HMCN1: variants seen among roughly 807,000 people sequenced by gnomAD.
The protein encoded by HMCN1 is hemicentin-1.
In HMCN1, 321 loss-of-function variants were observed where a neutral mutation model predicts 625.9. The observed-to-expected ratio is 0.51, with a 90% confidence interval of 0.47 to 0.56. HMCN1 has a LOEUF of 0.56. Among genes scored for constraint, HMCN1 ranks in the 20% least tolerant of loss-of-function variants. The pLI is 0.00. For synonymous variants in HMCN1, 2,425 were observed against 2,417.6 expected, an observed-to-expected ratio of 1.00 and a Z score of -0.09; for missense variants, 6,588 against 6,887.3, an observed-to-expected ratio of 0.96 and a Z score of 1.54.
At chr1:185,802,719 G>T (rs777373201) in intron 1 of HMCN1, among the ~76,000 whole-genome samples, 2 of 152,288 alleles carry the variant, frequency 1.3e-5, no homozygotes, top group Non-Finnish European at 2.9e-5. Flanking sequence ...TAATTGACTT[G>T]ACTCAGGATT....
rs752419347 is a variant in HMCN1, at chr1:186,088,264, C to A, written c.9565C>A (p.His3189Asn). The change falls in exon 62 of 107, where the codon CAC becomes AAC. Residue 3189 changes from histidine (H) to asparagine (N), a missense_variant. By Grantham distance (68) the His-to-Asn change is moderately conservative. This residue lies in a region of HMCN1 where 4,628 missense variants were observed against 4,853.1 expected (regional missense o/e 0.95). Coordinates refer to ENST00000271588, the MANE Select transcript of HMCN1 (RefSeq NM_031935.3). ...TCCCACGATAGCATGGTTAAAGAAC[C>A]ACAAGCGCATAGGTAAGGCAACCAT... ...PPPTIAWLKN[H>N]KRIENSDSLE... The A allele has an allele frequency of 3.7e-6, 6 of 1,612,702 alleles. No individual in the cohort carries two copies. In the South Asian group the frequency reaches 5.5e-5, roughly 15 times the overall value.
chr1:185,756,285 G>A (rs950177021), intron 1 of HMCN1, among the ~76,000 whole-genome samples: 9 of 152,034 alleles, frequency 5.9e-5, no homozygotes, highest in Admixed American at 2.6e-4. Context: ...CAAACTGAGT[G>A]ATGTCAGTTT....
chr1:185,841,223 T>C (rs1405701430), intron 1 of HMCN1, among the ~76,000 whole-genome samples: 1 of 151,854 alleles, frequency 6.6e-6, no homozygotes, highest in Non-Finnish European at 1.5e-5. Flanking sequence ...GAGAAAAGAG[T>C]TCCTTAGAGT....
intron 102 of HMCN1, among the ~76,000 whole-genome samples, chr1:186,173,337 GA>G (rs1274095469): frequency 3.9e-5 from 6 of 152,104 alleles, no homozygotes; most frequent in Non-Finnish European, 2.9e-5. Context: ...GATGGGAGTT[GA>G]AGTATCAGAT....
At chr1:185,738,489 A>G (rs1220340991) in intron 1 of HMCN1, among the ~76,000 whole-genome samples, 1 of 152,196 alleles carries the variant, frequency 6.6e-6, no homozygotes, top group Non-Finnish European at 1.5e-5. Flanking sequence ...ATGTATTAGT[A>G]CTTCATTCCT....
intron 4 of HMCN1, among the ~76,000 whole-genome samples, chr1:185,901,730 G>T (rs1284273777): frequency 6.6e-6 from 1 of 151,582 alleles, no homozygotes; most frequent in Non-Finnish European, 1.5e-5. Flanking sequence ...AGCCTTTTGG[G>T]TTCAATACAT....
intron 30 of HMCN1, 83 bp from the exon 31 acceptor site, chr1:186,015,076 T>C (rs1654270391): frequency 8.2e-7 from 1 of 1,222,122 alleles, no homozygotes; most frequent in African/African-American, 1.5e-5. Context: ...TTAAATGCAT[T>C]GTTTAAACAT....
At chr1:186,034,718 A>G (rs1655707953) in intron 36 of HMCN1, among the ~76,000 whole-genome samples, 1 of 152,314 alleles carries the variant, frequency 6.6e-6, no homozygotes, top group South Asian at 2.1e-4. Flanking sequence ...AAATGCCTCA[A>G]AACTCACTGT....
intron 46 of HMCN1, among the ~76,000 whole-genome samples, chr1:186,059,425 G>A (rs1657545235): frequency 6.6e-6 from 1 of 152,014 alleles, no homozygotes; most frequent in African/African-American, 2.4e-5. Context: ...CTAAAGTGAT[G>A]TGCTCTAGCT....
intron 64 of HMCN1, among the ~76,000 whole-genome samples, chr1:186,092,671 A>C (rs973001308): frequency 6.6e-6 from 1 of 152,022 alleles, no homozygotes; most frequent in African/African-American, 2.4e-5. Context: ...AAGTTTGCAA[A>C]ATATAGCCAC....
In HMCN1 at chr1:186,093,187, C is replaced by T. The variant is rs367681878; in HGVS notation, c.9941C>T (p.Thr3314Met). Residue 3314 changes from threonine to methionine, a missense_variant, in exon 65 of 107, where the codon ACG (threonine) becomes ATG (methionine). Physicochemically the swap from Thr to Met is moderately conservative, Grantham distance 81 (BLOSUM62 -1). This residue lies in a region of HMCN1 where 4,628 missense variants were observed against 4,853.1 expected (regional missense o/e 0.95). Transcript: ENST00000271588. ...LNIYGALTSD[T>M]GKYTCVATNP... ...ATTTATGGAGCTCTTACATCTGACA[C>T]GGGGAAATACACATGTGTTGCTACT... is the stretch of plus-strand genomic sequence containing the variant. 36 of 1,613,114 alleles carry T rather than the reference C, an allele frequency of 2.2e-5. No homozygotes were observed. The highest frequency in any genetic ancestry group is 2.6e-5 in the Non-Finnish European group (31 of 1,179,496).
intron 4 of HMCN1, among the ~76,000 whole-genome samples, chr1:185,904,490 G>A (rs1427933305): frequency 1.3e-5 from 2 of 151,664 alleles, no homozygotes; most frequent in Non-Finnish European, 2.9e-5. Context: ...TATTCATTAT[G>A]TTTGGCATGC....
At chr1:185,939,637 T>C (rs1667987582) in intron 11 of HMCN1, among the ~76,000 whole-genome samples, 2 of 152,220 alleles carry the variant, frequency 1.3e-5, no homozygotes, top group Non-Finnish European at 2.9e-5. Flanking sequence ...TTTTAAACTT[T>C]GTGTAAATAG....
intron 8 of HMCN1, 96 bp from the exon 9 acceptor site, chr1:185,924,951 A>C: frequency 1.9e-6 from 2 of 1,041,930 alleles, no homozygotes; most frequent in Non-Finnish European, 2.9e-6. Flanking sequence ...GAATAATTTA[A>C]GTATAAAGAT....
rs1486181519 is a variant in HMCN1 at position 186,119,974 on chromosome 1, T to C, written c.12095-37T>C. 1.4e-5 allele frequency: 22 copies of C among 1,613,884 alleles called. 1 individual carries two copies. The South Asian group carries it at 2.3e-4, about 17-fold the overall frequency. ...TGATTGTTTTTAATGAACAGGCTTT[T>C]TTTTTTCCCCACTCTGCTTTTGTAA... On this transcript the variant is annotated intron_variant, in intron 79 of 106. Coordinates refer to ENST00000271588, the MANE Select transcript of HMCN1 (RefSeq NM_031935.3).
At chr1:186,130,884 A>G (rs1661900606) in intron 85 of HMCN1, among the ~76,000 whole-genome samples, 187 bp downstream of exon 85, 1 of 152,214 alleles carries the variant, frequency 6.6e-6, no homozygotes, top group Admixed American at 6.6e-5. Flanking sequence ...AAATAAGTGC[A>G]GTGAGATAAT....
Position 186,053,070 on chromosome 1 carries a change from G to C in HMCN1, c.6696G>C (p.Lys2232Asn). ...CACCCCCAAATCTCATCTGGAAGAA[G>C]AAAGGTCAGTTTTCATCCTTGAAAT... The part of the protein sequence containing the change: ...GIPPPNLIWK[K>N]KGSPVLTDSM... The change falls in exon 43 of 107, where the codon AAG becomes AAC. Residue 2232 changes from lysine to asparagine, a missense_variant. Coordinates refer to ENST00000271588, the MANE Select transcript of HMCN1 (RefSeq NM_031935.3). 6.2e-7 allele frequency: 1 copy of C among 1,608,610 alleles called. No homozygotes were observed. Among genetic ancestry groups the C allele is most frequent in the South Asian group, 1.1e-5 (1 of 90,710 alleles).
intron 1 of HMCN1, among the ~76,000 whole-genome samples, chr1:185,822,439 A>C (rs969056704): frequency 2.6e-5 from 4 of 152,156 alleles, no homozygotes; most frequent in African/African-American, 9.7e-5. Context: ...AGAGGCCCCC[A>C]AAACACCCAA....
Position 185,841,270 on chromosome 1 carries a change from C to T in HMCN1, c.269-4756C>T, listed in dbSNP as rs183029007. On this transcript the variant is annotated intron_variant, in intron 1 of 106. Transcript: ENST00000271588. The stretch of plus-strand genomic sequence containing the variant: ...GTTTTTTAAAAATAAAAAATGGTTT[C>T]TGAAGCACAAAAAAATTGTTTATTT... Among the ~76,000 whole-genome samples the T allele has an allele frequency of 1.1e-3, 168 of 152,218 alleles. 1 individual carries two copies. The highest frequency in any genetic ancestry group is 1.9e-3 in the Non-Finnish European group (129 of 67,986).
Sources: gnomAD v4.1 joint callset for allele counts (sites outside exome capture counted in the v4.1 genomes callset) on GRCh38, gnomAD v4.1.1 for gene constraint, gnomAD v4.1.1 regional missense constraint, MANE v1.5 for transcripts, NCBI Gene and HGNC (gene_info 2026-07-23, HGNC 2026-07-21) for gene names.